Variants in TENM3 observed in about 807,000 individuals in gnomAD.
TENM3 encodes teneurin transmembrane protein 3.
In TENM3, 63 loss-of-function variants were observed where a neutral mutation model predicts 255.1. That is an observed-to-expected ratio of 0.25 (90% CI 0.20 to 0.30). The LOEUF is 0.30. Among genes scored for constraint, TENM3 ranks in the 10% least tolerant of loss-of-function variants. The probability of loss-of-function intolerance (pLI) is 1.00; values close to 1 mark genes in which losing one functional copy is unlikely to be tolerated. For missense variants in TENM3, 2,929 were observed against 3,461.1 expected, an observed-to-expected ratio of 0.85 and a Z score of 3.86; for synonymous variants, 1,306 against 1,322.3, an observed-to-expected ratio of 0.99 and a Z score of 0.27.
At chr4:182,385,547 G>A (rs1282860365) in intron 3 of TENM3, among the ~76,000 whole-genome samples, 1 of 152,152 alleles carries the variant, frequency 6.6e-6, no homozygotes, top group Non-Finnish European at 1.5e-5. Flanking sequence ...TTATAGGCGT[G>A]AGCCACCGCG....
chr4:182,377,863 G>T (rs1767283152), intron 3 of TENM3, among the ~76,000 whole-genome samples: 1 of 152,140 alleles, frequency 6.6e-6, no homozygotes, highest in South Asian at 2.1e-4. Context: ...AGCAAAGTTT[G>T]AGTGAATGTC....
chr4:182,634,120 C>G (rs950878926), intron 5 of TENM3, among the ~76,000 whole-genome samples: 1 of 152,158 alleles, frequency 6.6e-6, no homozygotes, highest in African/African-American at 2.4e-5. Flanking sequence ...TCACGTGTCC[C>G]GTTTCATGAT....
intron 3 of TENM3, among the ~76,000 whole-genome samples, chr4:182,505,669 G>A (rs560711072): frequency 3.3e-5 from 5 of 151,914 alleles, no homozygotes; most frequent in Non-Finnish European, 5.9e-5. Flanking sequence ...CAGTAGAGAC[G>A]GGGTTTCACC....
At chr4:181,709,672 G>T in the TENM3 span, among the ~76,000 whole-genome samples, 2 of 152,344 alleles carry the variant, frequency 1.3e-5, no homozygotes, top group African/African-American at 2.4e-5. Context: ...GGAGGGACAG[G>T]GTCTGGCTGC....
At chr4:182,284,051 T>C (rs1184240906) in intron 1 of TENM3, among the ~76,000 whole-genome samples, 1 of 152,216 alleles carries the variant, frequency 6.6e-6, no homozygotes, top group Non-Finnish European at 1.5e-5. Flanking sequence ...GCTTTTACCT[T>C]TTAAGAACTT....
chr4:182,336,300 A>C (rs1431994197), intron 2 of TENM3, among the ~76,000 whole-genome samples: 1 of 152,116 alleles, frequency 6.6e-6, no homozygotes, highest in Non-Finnish European at 1.5e-5. Flanking sequence ...CAAATTCCTA[A>C]AGTGAGAACT....
intron 1 of TENM3, among the ~76,000 whole-genome samples, chr4:182,177,128 G>A (rs1265505214): frequency 6.6e-6 from 1 of 152,032 alleles, no homozygotes; most frequent in Non-Finnish European, 1.5e-5. Context: ...GACCCGCACG[G>A]AGCAGAAGCC....
At chr4:181,460,960 CTA>C in the TENM3 span, among the ~76,000 whole-genome samples, 1 of 151,786 alleles carries the variant, frequency 6.6e-6, no homozygotes, top group African/African-American at 2.4e-5. Context: ...CATAGAATAT[CTA>C]TGTTTCTATA....
the TENM3 span, among the ~76,000 whole-genome samples, chr4:181,811,012 A>C: frequency 6.6e-6 from 1 of 152,134 alleles, no homozygotes; most frequent in African/African-American, 2.4e-5. Flanking sequence ...AATTTGGATG[A>C]GTTGATTTTG....
At position 182,222,583 on chromosome 4, in the gene TENM3, A is replaced by C. The variant is rs187379226; in HGVS notation, c.-76+77829A>C. 5.9e-5 allele frequency among the ~76,000 whole-genome samples: 9 copies of C among 152,328 alleles called. No individual in the cohort carries two copies. The East Asian group carries it at 1.7e-3, about 29-fold the overall frequency. On this transcript the variant is annotated intron_variant, in intron 1 of 2. Coordinates refer to the TENM3 transcript ENST00000512480. ...GAGATGGGATTGTACCTTGGTTAGT[A>C]GTTTATCGTTGCAAAGTGGTTTTCT...
chr4:181,559,417 G>T, the TENM3 span, among the ~76,000 whole-genome samples: 1 of 152,158 alleles, frequency 6.6e-6, no homozygotes, highest in Non-Finnish European at 1.5e-5. Flanking sequence ...CAGCAGCTTG[G>T]AGTAGTGATT....
At chr4:181,767,115 G>A in the TENM3 span, among the ~76,000 whole-genome samples, 42 of 144,522 alleles carry the variant, frequency 2.9e-4, no homozygotes, top group Admixed American at 8.4e-4. Flanking sequence ...AGCAGGGCGT[G>A]GTGGCGGGCG....
At chr4:182,462,754 G>A (rs1239329474) in intron 3 of TENM3, among the ~76,000 whole-genome samples, 1 of 151,866 alleles carries the variant, frequency 6.6e-6, no homozygotes, top group Non-Finnish European at 1.5e-5. Flanking sequence ...GGGTGTGGTG[G>A]TGGGCGCCTG....
the TENM3 span, among the ~76,000 whole-genome samples, chr4:181,501,160 A>G: frequency 4.6e-5 from 7 of 152,108 alleles, no homozygotes; most frequent in Admixed American, 1.3e-4. Context: ...CAACTTAAGG[A>G]GTTGGCACCA....
chr4:181,860,386 G>T, the TENM3 span, among the ~76,000 whole-genome samples: 15 of 152,166 alleles, frequency 9.9e-5, no homozygotes, highest in East Asian at 2.9e-3. Context: ...ATGATAAGCC[G>T]AGCACTTTGG....
intron 3 of TENM3, among the ~76,000 whole-genome samples, chr4:182,531,076 G>A (rs145585394): frequency 5.8e-4 from 88 of 152,204 alleles, no homozygotes; most frequent in Non-Finnish European, 1.1e-3. Flanking sequence ...CCAAGCTCTG[G>A]GAGTGGTTGG....
the TENM3 span, among the ~76,000 whole-genome samples, chr4:181,596,231 T>C: frequency 5.3e-5 from 8 of 152,328 alleles, no homozygotes; most frequent in South Asian, 8.3e-4. Flanking sequence ...GTGAATAATA[T>C]CTATTTATTC....
chr4:181,804,119 A>G, the TENM3 span, among the ~76,000 whole-genome samples: 1 of 110,102 alleles, frequency 9.1e-6, no homozygotes, highest in African/African-American at 3.3e-5. Context: ...AGAAGGAGGG[A>G]GGGAAAGGGA....
the TENM3 span, among the ~76,000 whole-genome samples, chr4:181,914,075 C>A: frequency 6.6e-6 from 1 of 152,192 alleles, no homozygotes; most frequent in Non-Finnish European, 1.5e-5. Flanking sequence ...AACCATCCTT[C>A]TTTCTACCCA....
Sources: gnomAD v4.1 joint callset for allele counts (sites outside exome capture counted in the v4.1 genomes callset) on GRCh38, gnomAD v4.1.1 for gene constraint, MANE v1.5 for transcripts, NCBI Gene and HGNC (gene_info 2026-07-23, HGNC 2026-07-21) for gene names.